The following DRC7 variants were observed in gnomAD, a reference collection of about 807,000 sequenced individuals.
DRC7 encodes dynein regulatory complex subunit 7.
A neutral mutation model predicts 104.4 loss-of-function variants in DRC7; 80 were observed. That is an observed-to-expected ratio of 0.77 (90% confidence interval 0.64 to 0.92). The LOEUF (loss-of-function observed/expected upper bound fraction) is 0.92, where lower values mean the gene tolerates loss of function less well. Ranked by LOEUF, DRC7 falls within the 40% of genes least tolerant of loss-of-function variation. The probability of loss-of-function intolerance (pLI) is 0.00; values close to 1 mark genes in which losing one functional copy is unlikely to be tolerated. For synonymous variants in DRC7, 405 were observed against 447.3 expected, an observed-to-expected ratio of 0.91 and a Z score of 1.19; for missense variants, 1,034 against 1,141.1, an observed-to-expected ratio of 0.91 and a Z score of 1.35.
In DRC7 at chr16:57,702,061, C is replaced by T. The variant is rs149851575; in HGVS notation, c.630C>T (p.Tyr210=). The change falls in exon 6 of 19, where the codon TAC becomes TAT. Residue 210 remains tyrosine (Y), a synonymous_variant. Coordinates refer to ENST00000360716, the MANE Select transcript of DRC7 (RefSeq NM_001289162.2). ...ATGATGCTTACTGCGTCAACGGCTA[C>T]GGCTCGCTGGACCTGTGCCACATGG... is the stretch of plus-strand genomic sequence containing the variant. The part of the protein sequence containing the change: ...SGYDAYCVNG[Y]GSLDLCHMDL... The T allele has an allele frequency of 3.4e-4, 548 of 1,614,228 alleles. 1 individual carries two copies. Among genetic ancestry groups the T allele is most frequent in the Non-Finnish European group, 3.4e-4 (401 of 1,180,040 alleles).
Position 57,702,040 on chromosome 16 carries a change from T to C in DRC7, c.609T>C (p.Asp203=), listed in dbSNP as rs538782741. The C allele has an allele frequency of 1.9e-6, 3 of 1,614,126 alleles. No individual in the cohort carries two copies. Among genetic ancestry groups the C allele is most frequent in the African/African-American group, 2.7e-5 (2 of 74,940 alleles). Residue 203 remains aspartate (D), a synonymous_variant, in exon 6 of 19, where the codon GAT becomes GAC. Transcript: ENST00000360716. The part of the protein sequence containing the change: ...LCSMLIGSGY[D]AYCVNGYGSL... ...CCATGCTTATCGGCTCTGGCTATGA[T>C]GCTTACTGCGTCAACGGCTACGGCT...
At chr16:57,718,524 G>C (rs762166861) in intron 9 of DRC7, 49 bp downstream of exon 9, 2 of 1,604,198 alleles carry the variant, frequency 1.2e-6, no homozygotes, top group South Asian at 1.1e-5. Flanking sequence ...GAAGGCTTCA[G>C]GGAGCCTGAC....
rs550658155 is a variant in DRC7, at chr16:57,729,797, G to A, written c.2392-1134G>A. 6.8e-4 allele frequency among the ~76,000 whole-genome samples: 97 copies of A among 142,668 alleles called. 1 individual carries two copies. Among genetic ancestry groups the A allele is most frequent in the African/African-American group, 2.3e-3 (85 of 37,056 alleles). The allele number at this position is 142,668 out of a possible 152,430, so 93.6% of individuals were successfully genotyped here. A position where few individuals can be genotyped will look rare whatever the true frequency, so the allele number is the denominator to read the frequency against. On this transcript the variant is annotated intron_variant, in intron 17 of 18. Transcript: ENST00000360716. ...GGGTGGGTGGGTGGATGGGTGGATG[G>A]ATGGATGAGTGAGTAGGTGGGTGGA...
intron 17 of DRC7, among the ~76,000 whole-genome samples, chr16:57,728,886 G>A (rs1294669592): frequency 1.4e-5 from 2 of 144,098 alleles, no homozygotes; most frequent in Non-Finnish European, 3.0e-5. Flanking sequence ...AGATAGATGG[G>A]TGGGTGGATT....
chr16:57,726,616 C>T (rs2048969532), intron 14 of DRC7: 3 of 552,416 alleles, frequency 5.4e-6, no homozygotes, highest in East Asian at 3.0e-5. Flanking sequence ...GTCAAACGCT[C>T]ACTCTCCCGG....
Position 57,726,130 on chromosome 16 carries a change from C to T in DRC7, c.1821C>T (p.Arg607=), listed in dbSNP as rs968736695. The T allele has an allele frequency of 1.9e-6, 3 of 1,613,122 alleles. No homozygotes were observed. Among genetic ancestry groups the T allele is most frequent in the South Asian group, 1.1e-5 (1 of 91,088 alleles). Residue 607 remains arginine, a synonymous_variant, in exon 14 of 19, where the codon CGC becomes CGT. Coordinates refer to ENST00000360716, the MANE Select transcript of DRC7 (RefSeq NM_001289162.2). ...CCGCGGAGGAGGACGTGGCAGAGCG[C>T]GTGTTTCTGGTCGCGGAGGAGCGCA... The part of the protein sequence containing the change: ...AKPAEEDVAE[R]VFLVAEERIQ...
At chr16:57,699,881 A>G (rs2048638442) in intron 4 of DRC7, among the ~76,000 whole-genome samples, 1 of 152,180 alleles carries the variant, frequency 6.6e-6, no homozygotes. Context: ...CAGATCCAGA[A>G]TATGCTTGTG....
At chr16:57,707,720 T>C (rs1299337588) in intron 8 of DRC7, 42 bp downstream of exon 8, 2 of 1,564,114 alleles carry the variant, frequency 1.3e-6, no homozygotes, top group Non-Finnish European at 1.8e-6. Flanking sequence ...GCAGGCACAG[T>C]GCAGGTGATA....
At chr16:57,726,493 G>A (rs2048967482) in intron 14 of DRC7, 1 of 588,528 alleles carries the variant, frequency 1.7e-6, no homozygotes, top group Non-Finnish European at 3.0e-6. Flanking sequence ...CCAAAAAAGC[G>A]AACTCAGCAG....
At position 57,698,687 on chromosome 16, in the gene DRC7, T is replaced by A. The variant is rs1314289205; in HGVS notation, c.204-163T>A. Among the ~76,000 whole-genome samples, 41 of 152,136 alleles carry A rather than the reference T, an allele frequency of 2.7e-4. 1 individual carries two copies. Among genetic ancestry groups the A allele is most frequent in the African/African-American group, 9.9e-4 (41 of 41,418 alleles). On this transcript the variant is annotated intron_variant, in intron 3 of 18. Coordinates refer to ENST00000360716, the MANE Select transcript of DRC7 (RefSeq NM_001289162.2). Reference sequence around the variant, plus strand: ...CCTGGGCAACAGAGCAAGACCTGTCTCTTAAATATATATATGAAAATGTGC... The same window carrying A: ...CCTGGGCAACAGAGCAAGACCTGTCACTTAAATATATATATGAAAATGTGC...
intron 16 of DRC7, 74 bp downstream of exon 16, chr16:57,727,483 A>G: frequency 9.0e-7 from 1 of 1,116,042 alleles, no homozygotes; most frequent in Non-Finnish European, 1.4e-6. Context: ...GGGGACCATG[A>G]GGGATTCTGC....
At chr16:57,697,629 C>T (rs771069755) in intron 2 of DRC7, among the ~76,000 whole-genome samples, 2 of 152,122 alleles carry the variant, frequency 1.3e-5, no homozygotes, top group Non-Finnish European at 2.9e-5. Flanking sequence ...CAAATCGACA[C>T]GTGCCTTTCC....
chr16:57,707,725 G>A (rs968879604), intron 8 of DRC7, 47 bp downstream of exon 8: 1 of 1,553,418 alleles, frequency 6.4e-7, no homozygotes, highest in Non-Finnish European at 8.8e-7. Flanking sequence ...CACAGTGCAG[G>A]TGATAGGAAT....
rs777577195 is a variant in DRC7 at position 57,702,042 on chromosome 16, C to T, written c.611C>T (p.Ala204Val). 1 of 1,614,234 alleles carries T rather than the reference C, an allele frequency of 6.2e-7. No homozygotes were observed. Among genetic ancestry groups the T allele is most frequent in the Non-Finnish European group, 8.5e-7 (1 of 1,180,038 alleles). ...ATGCTTATCGGCTCTGGCTATGATGCTTACTGCGTCAACGGCTACGGCTCG... is the reference window on the plus strand; with the variant it reads ...ATGCTTATCGGCTCTGGCTATGATGTTTACTGCGTCAACGGCTACGGCTCG... The part of the protein sequence containing the change: ...CSMLIGSGYD[A>V]YCVNGYGSLD... The change falls in exon 6 of 19, where the codon GCT becomes GTT. Residue 204 changes from alanine (A) to valine (V), a missense_variant. Ala to Val is a moderately conservative substitution (Grantham distance 64). Transcript: ENST00000360716.
At position 57,724,762 on chromosome 16, in the gene DRC7, G is replaced by T; in HGVS notation, c.1685G>T (p.Arg562Leu). 1 of 1,613,758 alleles carries T rather than the reference G, an allele frequency of 6.2e-7. No homozygotes were observed. The highest frequency in any genetic ancestry group is 1.1e-5 in the South Asian group (1 of 91,068). Residue 562 changes from arginine (R) to leucine (L), a missense_variant, in exon 13 of 19, where the codon CGC (arginine) becomes CTC (leucine). Transcript: ENST00000360716. Reference protein sequence around the residue: ...YQGRPDFLSYRHASFGPRVKK... With the variant: ...YQGRPDFLSYLHASFGPRVKK... The stretch of plus-strand genomic sequence containing the variant: ...GGACGCCCAGACTTCCTCTCCTACC[G>T]CCATGCCAGCTTCGGACCCCGAGTC...
intron 8 of DRC7, among the ~76,000 whole-genome samples, chr16:57,715,188 C>T (rs1194888194): frequency 1.3e-5 from 2 of 152,184 alleles, no homozygotes; most frequent in Non-Finnish European, 1.5e-5. Context: ...GCTGGGATTA[C>T]AGGCATGCAC....
rs764094351 is a variant in DRC7 at position 57,726,075 on chromosome 16, C to G, written c.1766C>G (p.Thr589Arg). The G allele has an allele frequency of 1.2e-6, 2 of 1,612,996 alleles. No individual in the cohort carries two copies. The highest frequency in any genetic ancestry group is 1.7e-6 in the Non-Finnish European group (2 of 1,179,776). Residue 589 changes from threonine to arginine, a missense_variant, in exon 14 of 19, where the codon ACA (threonine) becomes AGA (arginine). Physicochemically the swap from Thr to Arg is moderately conservative, Grantham distance 71. Transcript: ENST00000360716. ...CATGTTCTGGCCTCCCAGAAAATCACAGAGCGGTTCTTCCGCAACCCAGCG... is the reference window on the plus strand; with the variant it reads ...CATGTTCTGGCCTCCCAGAAAATCAGAGAGCGGTTCTTCCGCAACCCAGCG... ...ESNPRPIVKI[T>R]ERFFRNPAKP...
chr16:57,715,351 C>T (rs1223299469), intron 8 of DRC7, among the ~76,000 whole-genome samples: 2 of 152,124 alleles, frequency 1.3e-5, no homozygotes, highest in African/African-American at 4.8e-5. Flanking sequence ...TACCTGATGA[C>T]CTGCTTTTTT....
At chr16:57,720,448 C>T (rs1178232320) in intron 9 of DRC7, among the ~76,000 whole-genome samples, 3 of 152,266 alleles carry the variant, frequency 2.0e-5, no homozygotes, top group African/African-American at 7.2e-5. Flanking sequence ...GTGCCCCCTG[C>T]TGGCCTTGGG....
Sources: allele counts gnomAD v4.1 joint callset (sites outside exome capture counted in the v4.1 genomes callset), GRCh38; gene constraint gnomAD v4.1.1; transcripts MANE v1.5; gene names NCBI Gene and HGNC (gene_info 2026-07-23, HGNC 2026-07-21).